The following SGCZ variants were observed in gnomAD, a reference collection of about 807,000 sequenced individuals.
SGCZ encodes zeta-sarcoglycan.
A neutral mutation model predicts 41.3 loss-of-function variants in SGCZ; 40 were observed. That is an observed-to-expected ratio of 0.97 (90% confidence interval 0.75 to 1.26). The LOEUF is 1.26. SGCZ is among the 50% of genes most tolerant of loss of function. The pLI, the probability that SGCZ is intolerant of heterozygous loss-of-function variation, is 0.00. For synonymous variants in SGCZ, 206 were observed against 137.5 expected (o/e 1.50, Z -3.49); for missense variants, 552 against 369.8 (o/e 1.49, Z -4.04).
intron 1 of SGCZ, among the ~76,000 whole-genome samples, chr8:14,756,042 G>A (rs189575141): frequency 7.8e-4 from 119 of 152,054 alleles, no homozygotes; most frequent in African/African-American, 2.7e-3. Context: ...ACTGTGCCTC[G>A]CCACTCATAA....
At chr8:15,209,499 A>C (rs1347917311) in intron 1 of SGCZ, among the ~76,000 whole-genome samples, 1 of 86,034 alleles carries the variant, frequency 1.2e-5, no homozygotes, top group Non-Finnish European at 2.7e-5. Context: ...AAAAAAAAAA[A>C]AAAAGTGGCT....
intron 1 of SGCZ, among the ~76,000 whole-genome samples, chr8:14,939,217 G>C (rs764881083): frequency 6.6e-6 from 1 of 152,098 alleles, no homozygotes; most frequent in Non-Finnish European, 1.5e-5. Context: ...TTCAGGACTT[G>C]AGTTAGTCCT....
chr8:14,528,957 G>A (rs968313007), intron 2 of SGCZ, among the ~76,000 whole-genome samples: 72 of 151,766 alleles, frequency 4.7e-4, no homozygotes, highest in African/African-American at 1.7e-3. Context: ...TTTTACAGAT[G>A]AATCAGCTGA....
intron 1 of SGCZ, among the ~76,000 whole-genome samples, chr8:15,123,480 G>A (rs1046847859): frequency 6.6e-6 from 1 of 152,138 alleles, no homozygotes; most frequent in Admixed American, 6.5e-5. Context: ...TTAGACCAGA[G>A]GAGATATAGA....
chr8:14,679,509 T>C (rs1056200879), intron 1 of SGCZ, among the ~76,000 whole-genome samples: 18 of 97,150 alleles, frequency 1.9e-4, no homozygotes, highest in African/African-American at 5.4e-4. Context: ...ATATATATTA[T>C]ATATATACAC....
chr8:14,089,723 C>T lies in SGCZ; in HGVS notation c.*720G>A, dbSNP rs1801628488. On this transcript the variant is annotated 3_prime_UTR_variant, in exon 8 of 8. Coordinates refer to ENST00000382080, the MANE Select transcript of SGCZ (RefSeq NM_139167.4). ...ACTATATAAGGCCATCCAGATCTGA[C>T]CAATGACATTATAATGGCATTTTGT... 6.6e-6 allele frequency: 1 copy of T among 151,868 alleles called. No homozygotes were observed. Among genetic ancestry groups the T allele is most frequent in the African/African-American group, 2.4e-5 (1 of 41,372 alleles). 9.4% of individuals were successfully genotyped at this position (151,868 alleles called of 1,614,324 possible).
At chr8:14,487,303 T>C (rs547431541) in intron 2 of SGCZ, among the ~76,000 whole-genome samples, 27 of 152,330 alleles carry the variant, frequency 1.8e-4, no homozygotes, top group Admixed American at 7.2e-4. Flanking sequence ...TATCAAGTCC[T>C]GTTAAAATAC....
At chr8:14,132,545 T>G (rs529141125) in intron 5 of SGCZ, among the ~76,000 whole-genome samples, 3 of 152,216 alleles carry the variant, frequency 2.0e-5, no homozygotes, top group African/African-American at 7.2e-5. Flanking sequence ...TTTAACAATA[T>G]TCTTATTTTG....
chr8:14,560,453 G>A (rs1286301266), intron 1 of SGCZ, among the ~76,000 whole-genome samples: 1 of 152,062 alleles, frequency 6.6e-6, no homozygotes, highest in East Asian at 1.9e-4. Flanking sequence ...GGGGAAGAAT[G>A]TGGATGTAGG....
intron 1 of SGCZ, among the ~76,000 whole-genome samples, chr8:14,887,994 T>A (rs957220685): frequency 6.6e-6 from 1 of 152,128 alleles, no homozygotes; most frequent in Non-Finnish European, 1.5e-5. Flanking sequence ...AAATGATAAG[T>A]ATTTGAGGTG....
intron 4 of SGCZ, among the ~76,000 whole-genome samples, chr8:14,223,462 T>C (rs1258865962): frequency 5.3e-5 from 8 of 152,210 alleles, no homozygotes; most frequent in Admixed American, 5.2e-4. Flanking sequence ...AATATTGATG[T>C]AAAGTAATTC....
At chr8:14,953,709 A>T (rs1385892131) in intron 1 of SGCZ, among the ~76,000 whole-genome samples, 1 of 152,136 alleles carries the variant, frequency 6.6e-6, no homozygotes, top group Non-Finnish European at 1.5e-5. Context: ...ATTTGCAAAA[A>T]CGGGAAAATA....
At chr8:14,273,687 T>C (rs927947370) in intron 3 of SGCZ, among the ~76,000 whole-genome samples, 4 of 152,186 alleles carry the variant, frequency 2.6e-5, no homozygotes, top group East Asian at 1.9e-4. Flanking sequence ...ACTGCTATGA[T>C]GTGTTGGGTA....
chr8:14,407,074 T>C (rs1445069851), intron 2 of SGCZ, among the ~76,000 whole-genome samples: 1 of 141,802 alleles, frequency 7.1e-6, no homozygotes, highest in Non-Finnish European at 1.5e-5. Context: ...CCTTTTTTTT[T>C]TTTTTTTTTT....
intron 1 of SGCZ, among the ~76,000 whole-genome samples, chr8:15,119,884 A>G (rs956553014): frequency 6.6e-6 from 1 of 152,152 alleles, no homozygotes; most frequent in African/African-American, 2.4e-5. Flanking sequence ...ATCATAACGC[A>G]TTGTGGCCTC....
chr8:14,352,787 G>C (rs1165572839), intron 2 of SGCZ, among the ~76,000 whole-genome samples: 3 of 152,024 alleles, frequency 2.0e-5, no homozygotes, highest in African/African-American at 7.2e-5. Flanking sequence ...TCATGGCTCA[G>C]TCCTATCCAG....
At chr8:14,251,545 T>C (rs560025351) in intron 3 of SGCZ, among the ~76,000 whole-genome samples, 6 of 152,322 alleles carry the variant, frequency 3.9e-5, no homozygotes, top group Admixed American at 2.6e-4. Context: ...CTGCAAGCCA[T>C]AGTTTGCCTA....
chr8:14,572,997 G>C (rs928178814), intron 1 of SGCZ, among the ~76,000 whole-genome samples: 4 of 152,010 alleles, frequency 2.6e-5, no homozygotes, highest in South Asian at 4.1e-4. Flanking sequence ...ATGTTCATTT[G>C]TTACAGATTT....
chr8:15,131,793 A>C (rs563598473), intron 1 of SGCZ, among the ~76,000 whole-genome samples: 1 of 152,314 alleles, frequency 6.6e-6, no homozygotes, highest in South Asian at 2.1e-4. Context: ...TGAGGCTGGC[A>C]CAGGGAATGG....
Sources: allele counts gnomAD v4.1 joint callset (sites outside exome capture counted in the v4.1 genomes callset), GRCh38; gene constraint gnomAD v4.1.1; transcripts MANE v1.5; gene names NCBI Gene and HGNC (gene_info 2026-07-23, HGNC 2026-07-21).